Variants in TLN2 observed in about 807,000 individuals in gnomAD.
The protein encoded by TLN2 is talin 2, also known as talin-2.
In TLN2, 118 loss-of-function variants were observed where a neutral mutation model predicts 294.7. The ratio of observed to expected loss-of-function variants is 0.40; its 90% CI spans 0.34 to 0.47. The LOEUF (loss-of-function observed/expected upper bound fraction) is 0.47, where lower values mean the gene tolerates loss of function less well. TLN2 is among the 20% of genes least tolerant of loss of function. TLN2 has a pLI of 0.84. For synonymous variants in TLN2, 1,431 were observed against 1,304.5 expected (o/e 1.10, Z -2.09); for missense variants, 3,083 against 3,282.2 (o/e 0.94, Z 1.48).
Position 62,736,877 on chromosome 15 carries a change from G to A in TLN2, c.3359-1G>A. ...GAAATCTGATGGACTTTTTCCCCCA[G>A]GGGTGGCTGCTAGAGAGACGGCCCA... On this transcript the variant is annotated splice_acceptor_variant, in intron 28 of 58. Coordinates refer to ENST00000636159, the MANE Select transcript of TLN2 (RefSeq NM_015059.3). LOFTEE classifies it high-confidence loss of function. 6.2e-7 allele frequency: 1 copy of A among 1,613,044 alleles called. No homozygotes were observed.
At chr15:62,405,260 C>T (rs1414506449) in intron 1 of TLN2, among the ~76,000 whole-genome samples, 1 of 152,156 alleles carries the variant, frequency 6.6e-6, no homozygotes, top group African/African-American at 2.4e-5. Flanking sequence ...CCCCACCTGA[C>T]TCACTAAACT....
intron 1 of TLN2, among the ~76,000 whole-genome samples, chr15:62,560,200 G>A (rs1480281575): frequency 6.6e-6 from 1 of 152,202 alleles, no homozygotes; most frequent in Non-Finnish European, 1.5e-5. Flanking sequence ...ATTTGCTAGA[G>A]AAAATGATTC....
At chr15:62,504,320 A>G (rs2039466072) in intron 1 of TLN2, among the ~76,000 whole-genome samples, 1 of 152,260 alleles carries the variant, frequency 6.6e-6, no homozygotes, top group Non-Finnish European at 1.5e-5. Flanking sequence ...TAATAAATCA[A>G]CAAGCTGATT....
chr15:62,595,551 T>G (rs553751136), intron 2 of TLN2, among the ~76,000 whole-genome samples: 1 of 152,120 alleles, frequency 6.6e-6, no homozygotes, highest in East Asian at 1.9e-4. Context: ...CCTCAAAAAA[T>G]TAAAAATAGA....
At chr15:62,755,430 C>T in intron 36 of TLN2, 102 bp from the exon 37 acceptor site, 1 of 1,397,138 alleles carries the variant, frequency 7.2e-7, no homozygotes, top group Non-Finnish European at 9.6e-7. Flanking sequence ...ATTACACAGG[C>T]TCTGAACATG....
At chr15:62,795,044 G>A (rs986583063) in intron 46 of TLN2, among the ~76,000 whole-genome samples, 2 of 152,188 alleles carry the variant, frequency 1.3e-5, no homozygotes, top group Admixed American at 1.3e-4. Context: ...GGGCAAGAAC[G>A]GTGTGCTGTG....
intron 42 of TLN2, among the ~76,000 whole-genome samples, chr15:62,771,412 G>A (rs374071215): frequency 6.6e-6 from 1 of 152,216 alleles, no homozygotes; most frequent in Non-Finnish European, 1.5e-5. Flanking sequence ...AATGAAAACT[G>A]TAATGCTTGC....
At chr15:62,638,691 G>A (rs2050659956) in intron 3 of TLN2, 4 of 451,448 alleles carry the variant, frequency 8.9e-6, no homozygotes, top group South Asian at 6.3e-5. Context: ...ACTCTCTTTG[G>A]TTCTTGGTGG....
intron 45 of TLN2, among the ~76,000 whole-genome samples, chr15:62,792,120 G>T (rs1379938627): frequency 6.6e-6 from 1 of 152,048 alleles, no homozygotes; most frequent in Non-Finnish European, 1.5e-5. Flanking sequence ...TGTTCTAGTT[G>T]GTAAACATAC....
chr15:62,450,976 CT>C (rs753232298), intron 1 of TLN2, among the ~76,000 whole-genome samples: 422 of 138,632 alleles, frequency 3.0e-3, no homozygotes, highest in Middle Eastern at 4.0e-3. Flanking sequence ...AGTTCTCTCT[CT>C]TTTTTTTTTT....
chr15:62,728,113 C>G (rs1452079032), intron 28 of TLN2, among the ~76,000 whole-genome samples: 1 of 152,166 alleles, frequency 6.6e-6, no homozygotes, highest in Non-Finnish European at 1.5e-5. Flanking sequence ...CGGATGCTCC[C>G]TTGTGCCCCC....
intron 52 of TLN2, among the ~76,000 whole-genome samples, chr15:62,819,142 G>A (rs1458604994): frequency 1.3e-5 from 2 of 152,138 alleles, no homozygotes; most frequent in African/African-American, 2.4e-5. Flanking sequence ...TTACAGGTGT[G>A]AGCCACTGTA....
At chr15:62,709,971 G>A (rs891037275) in intron 21 of TLN2, among the ~76,000 whole-genome samples, 6 of 152,148 alleles carry the variant, frequency 3.9e-5, no homozygotes, top group African/African-American at 1.2e-4. Flanking sequence ...CTGACCTCAG[G>A]TGATCTGCCC....
At chr15:62,668,877 T>C (rs923070228) in intron 9 of TLN2, among the ~76,000 whole-genome samples, 8 of 152,320 alleles carry the variant, frequency 5.3e-5, no homozygotes, top group Non-Finnish European at 1.2e-4. Flanking sequence ...GTTTGGACTA[T>C]TAGTTGGATA....
At chr15:62,725,439 A>C (rs1162521513) in intron 27 of TLN2, among the ~76,000 whole-genome samples, 1 of 152,196 alleles carries the variant, frequency 6.6e-6, no homozygotes, top group East Asian at 1.9e-4. Flanking sequence ...ACATTTACTT[A>C]ATGCAAAGCA....
intron 5 of TLN2, among the ~76,000 whole-genome samples, chr15:62,650,473 A>C (rs2052465397): frequency 6.6e-6 from 1 of 152,186 alleles, no homozygotes; most frequent in Admixed American, 6.5e-5. Context: ...TAAGTATGGA[A>C]GAGATATTCC....
rs2060800256 is a variant in TLN2 at position 62,732,766 on chromosome 15, G to A, written c.3359-4112G>A. ...GTTCTTGGTGACTGGTTAGAAGTTG[G>A]TGGAGATGGTAACATGAACGGTTCC... On this transcript the variant is annotated intron_variant, in intron 28 of 58. Coordinates refer to ENST00000636159, the MANE Select transcript of TLN2 (RefSeq NM_015059.3). Among the ~76,000 whole-genome samples, 3 of 152,326 alleles carry A rather than the reference G, an allele frequency of 2.0e-5. No individual in the cohort carries two copies. The South Asian group carries it at 6.2e-4, about 32-fold the overall frequency.
chr15:62,531,951 C>T (rs1332328290), intron 1 of TLN2, among the ~76,000 whole-genome samples: 1 of 152,156 alleles, frequency 6.6e-6, no homozygotes, highest in Non-Finnish European at 1.5e-5. Flanking sequence ...GTGTGGGTGT[C>T]CCCCAAGTGG....
chr15:62,508,590 A>C (rs189193722), intron 1 of TLN2, among the ~76,000 whole-genome samples: 1 of 152,374 alleles, frequency 6.6e-6, no homozygotes, highest in African/African-American at 2.4e-5. Context: ...AAAATGACCA[A>C]ATTTTCTATC....
Sources: gnomAD v4.1 joint callset for allele counts (sites outside exome capture counted in the v4.1 genomes callset) on GRCh38, gnomAD v4.1.1 for gene constraint, MANE v1.5 for transcripts, NCBI Gene and HGNC (gene_info 2026-07-23, HGNC 2026-07-21) for gene names.